KDM2B: variants seen among roughly 807,000 people sequenced by gnomAD.
KDM2B encodes lysine-specific demethylase 2B.
KDM2B carries 26 observed loss-of-function variants against 150.0 expected under a neutral mutation model. The ratio of observed to expected loss-of-function variants is 0.17; its 90% CI spans 0.13 to 0.24. KDM2B has a LOEUF of 0.24. KDM2B is among the 10% of genes least tolerant of loss of function. The pLI is 1.00. For missense variants in KDM2B, 1,265 were observed against 1,816.9 expected (o/e 0.70, Z 5.52); for synonymous variants, 734 against 729.5 (o/e 1.01, Z -0.10).
chr12:121,411,745 A>G, the KDM2B span, among the ~76,000 whole-genome samples: 1 of 152,342 alleles, frequency 6.6e-6, no homozygotes, highest in East Asian at 1.9e-4. Context: ...GAGAAAAAGA[A>G]GTTTTTGTCC....
chr12:121,489,808 C>T (rs1353953668), intron 12 of KDM2B, among the ~76,000 whole-genome samples: 4 of 152,144 alleles, frequency 2.6e-5, no homozygotes, highest in Non-Finnish European at 4.4e-5. Flanking sequence ...ACGTCAAGTG[C>T]GGGGGCCAGG....
Position 121,430,135 on chromosome 12 carries a change from G to A in KDM2B, c.*153C>T, listed in dbSNP as rs373139038. The stretch of plus-strand genomic sequence containing the variant: ...GTCGGCTCACTCATCCCCCAAACGG[G>A]TGGTTGAACAGCTTCTCCCTTGGAA... On this transcript the variant is annotated 3_prime_UTR_variant, in exon 23 of 23. Coordinates refer to ENST00000377071, the MANE Select transcript of KDM2B (RefSeq NM_032590.5). The surrounding 1 kb of genome is among the most constrained non-coding windows in gnomAD (Gnocchi z 4.4). 1 of 1,614,088 alleles carries A rather than the reference G, an allele frequency of 6.2e-7. No homozygotes were observed. The highest frequency in any genetic ancestry group is 8.5e-7 in the Non-Finnish European group (1 of 1,179,942).
chr12:121,417,491 T>A, the KDM2B span: 1 of 1,601,376 alleles, frequency 6.2e-7, no homozygotes, highest in South Asian at 1.1e-5. This position sits in a 1 kb window ranked among gnomAD's most constrained non-coding sequence, Gnocchi z 5.0. Flanking sequence ...ATCAAATGCT[T>A]TTCTTTCTTC....
chr12:121,522,112 A>G (rs1038326920), intron 8 of KDM2B, among the ~76,000 whole-genome samples: 1 of 150,246 alleles, frequency 6.7e-6, no homozygotes, highest in Non-Finnish European at 1.5e-5. Flanking sequence ...TCTCAAAAAG[A>G]AAAAAAAAGA....
chr12:121,430,521 C>G lies in KDM2B; in HGVS notation c.3830-52G>C, dbSNP rs781808499. The G allele has an allele frequency of 7.1e-7, 1 of 1,403,596 alleles. No homozygotes were observed. The highest frequency in any genetic ancestry group is 1.0e-6 in the Non-Finnish European group (1 of 990,586). The allele number at this position is 1,403,596 out of a possible 1,614,324, so 86.9% of individuals were successfully genotyped here. A position where few individuals can be genotyped will look rare whatever the true frequency, so the allele number is the denominator to read the frequency against. ...GTGTGAAGGCCAGGAGCCAGAAGCCCCCCCGCCGCCAGACCCAGGCACTCA... is the reference window on the plus strand; with the variant it reads ...GTGTGAAGGCCAGGAGCCAGAAGCCGCCCCGCCGCCAGACCCAGGCACTCA... On this transcript the variant is annotated intron_variant, in intron 22 of 22. Transcript: ENST00000377071. This position sits in a 1 kb window ranked among gnomAD's most constrained non-coding sequence, Gnocchi z 4.4.
intron 14 of KDM2B, chr12:121,444,942 C>T (rs1362771153): frequency 2.3e-5 from 9 of 398,780 alleles, no homozygotes; most frequent in Non-Finnish European, 3.2e-5. Flanking sequence ...GGGCCTTGTT[C>T]TCCCAGAAGC....
chr12:121,547,781 T>C (rs1412313634), intron 6 of KDM2B, among the ~76,000 whole-genome samples: 4 of 151,692 alleles, frequency 2.6e-5, no homozygotes, highest in Non-Finnish European at 5.9e-5. Context: ...TAGCTGGAAT[T>C]ACAGGCGTGC....
intron 11 of KDM2B, among the ~76,000 whole-genome samples, chr12:121,506,489 C>T (rs1885078939): frequency 6.6e-6 from 1 of 152,092 alleles, no homozygotes; most frequent in Middle Eastern, 3.2e-3. Flanking sequence ...ACCTAATTTA[C>T]AAGCTCTTCA....
At chr12:121,523,342 A>G (rs1886855646) in intron 8 of KDM2B, among the ~76,000 whole-genome samples, 1 of 152,228 alleles carries the variant, frequency 6.6e-6, no homozygotes, top group African/African-American at 2.4e-5. Context: ...ACAGTGAAGG[A>G]CAGAGGAGGG....
Position 121,442,428 on chromosome 12 carries a change from G to A in KDM2B, c.3013C>T (p.Pro1005Ser). 1.3e-6 allele frequency: 2 copies of A among 1,599,278 alleles called. No homozygotes were observed. The highest frequency in any genetic ancestry group is 1.7e-6 in the Non-Finnish European group (2 of 1,178,398). Residue 1005 changes from proline (P) to serine (S), a missense_variant, in exon 19 of 23, where the codon CCC (proline) becomes TCC (serine). Coordinates refer to ENST00000377071, the MANE Select transcript of KDM2B (RefSeq NM_032590.5). The surrounding 1 kb of genome is among the most constrained non-coding windows in gnomAD (Gnocchi z 7.7). ...HRFSKGLNGTPRELRHQLGPS... is the reference protein window; with the variant it reads ...HRFSKGLNGTSRELRHQLGPS... ...CCCAGCTGGTGCCGCAGCTCCCGGG[G>A]GGTGCCGTTGAGCCCCTTGCTGAAG...
rs895676445 is a variant in KDM2B, at chr12:121,442,902, G to A, written c.2605-66C>T. 196 of 1,560,552 alleles carry A rather than the reference G, an allele frequency of 1.3e-4. No homozygotes were observed. The highest frequency in any genetic ancestry group is 1.6e-4 in the Non-Finnish European group (186 of 1,155,340). On this transcript the variant is annotated intron_variant, in intron 18 of 22. Transcript: ENST00000377071. The surrounding 1 kb of genome is among the most constrained non-coding windows in gnomAD (Gnocchi z 7.7). Reference sequence around the variant, plus strand: ...GGGCTGCGCCCGCCCAAGGCCTCCCGCCCCCCTGCCACGGGACTGTGGCCC... The same window carrying A: ...GGGCTGCGCCCGCCCAAGGCCTCCCACCCCCCTGCCACGGGACTGTGGCCC...
rs189436754 is a variant in KDM2B at position 121,524,966 on chromosome 12, G to A, written c.932-3866C>T. On this transcript the variant is annotated intron_variant, in intron 8 of 22. Coordinates refer to ENST00000377071, the MANE Select transcript of KDM2B (RefSeq NM_032590.5). ...CAACCTGAGCGTCTGCTCAGGACTCGGAATCCAAAGGCCCCACCCACATCT... is the reference window on the plus strand; with the variant it reads ...CAACCTGAGCGTCTGCTCAGGACTCAGAATCCAAAGGCCCCACCCACATCT... Among the ~76,000 whole-genome samples the A allele has an allele frequency of 3.0e-3, 461 of 152,054 alleles. 5 individuals are homozygous for A. The highest frequency in any genetic ancestry group is 0.011 in the African/African-American group (436 of 41,340).
intron 11 of KDM2B, among the ~76,000 whole-genome samples, chr12:121,508,068 C>G (rs1555303237): frequency 2.0e-5 from 3 of 152,074 alleles, no homozygotes; most frequent in African/African-American, 7.2e-5. Context: ...AAAGACATTT[C>G]TTCTTCAGAT....
intron 22 of KDM2B, among the ~76,000 whole-genome samples, chr12:121,434,128 C>CA (rs1237331702): frequency 6.6e-6 from 1 of 151,976 alleles, no homozygotes; most frequent in Non-Finnish European, 1.5e-5. Flanking sequence ...TGCAGTGAGC[C>CA]ATGATTACCT....
chr12:121,520,920 ACACCGAG>A lies in KDM2B; in HGVS notation c.1047+58_1047+64del. 8.1e-7 allele frequency: 1 copy of A among 1,239,588 alleles called. No individual in the cohort carries two copies. The highest frequency in any genetic ancestry group is 1.2e-6 in the Non-Finnish European group (1 of 848,928). The allele number at this position is 1,239,588 out of a possible 1,614,324, so 76.8% of individuals were successfully genotyped here. On this transcript the variant is annotated intron_variant, in intron 9 of 22. Coordinates refer to ENST00000377071, the MANE Select transcript of KDM2B (RefSeq NM_032590.5). The surrounding 1 kb of genome is among the most constrained non-coding windows in gnomAD (Gnocchi z 4.5). ...AGGACTTCAGTATGACCTGTCCCAC[ACACCGAG>A]CACCGGCAGAGCTCAGGGGCCAGGC...
intron 12 of KDM2B, among the ~76,000 whole-genome samples, chr12:121,459,101 A>C (rs1878728858): frequency 6.6e-6 from 1 of 151,812 alleles, no homozygotes. Flanking sequence ...AAAAAAAAAA[A>C]AGACACACAC....
intron 13 of KDM2B, among the ~76,000 whole-genome samples, chr12:121,447,009 T>C (rs782488948): frequency 7.2e-5 from 11 of 152,326 alleles, no homozygotes; most frequent in Non-Finnish European, 1.0e-4. Context: ...AATGTAACAG[T>C]GTGAACAGCT....
intron 13 of KDM2B, among the ~76,000 whole-genome samples, chr12:121,448,689 C>T (rs945624463): frequency 2.6e-5 from 4 of 152,064 alleles, no homozygotes; most frequent in Non-Finnish European, 4.4e-5. Flanking sequence ...GATTAAATGG[C>T]GCAAATGTTT....
In KDM2B at chr12:121,439,845, C is replaced by A; in HGVS notation, c.3829+12G>T. Reference sequence around the variant, plus strand: ...GAGTGTTAGGCAGACCCGATGGGGGCCCCTGACTCACCAGACAGGTTGATC... The same window carrying A: ...GAGTGTTAGGCAGACCCGATGGGGGACCCTGACTCACCAGACAGGTTGATC... On this transcript the variant is annotated intron_variant, in intron 22 of 22. Transcript: ENST00000377071. 6.2e-7 allele frequency: 1 copy of A among 1,608,748 alleles called. No homozygotes were observed. The highest frequency in any genetic ancestry group is 8.5e-7 in the Non-Finnish European group (1 of 1,175,228).
Sources: allele counts gnomAD v4.1 joint callset (sites outside exome capture counted in the v4.1 genomes callset), GRCh38; gene constraint gnomAD v4.1.1; non-coding constraint Gnocchi (gnomAD v3.1); transcripts MANE v1.5; gene names NCBI Gene and HGNC (gene_info 2026-07-23, HGNC 2026-07-21).